Variants in SMARCC1 observed in about 807,000 individuals in gnomAD.
SMARCC1 encodes the protein SWI/SNF complex subunit SMARCC1.
In SMARCC1, 43 loss-of-function variants were observed where a neutral mutation model predicts 147.4. The ratio of observed to expected loss-of-function variants is 0.29; its 90% CI spans 0.23 to 0.38. The LOEUF (loss-of-function observed/expected upper bound fraction) is 0.38, where lower values mean the gene tolerates loss of function less well. SMARCC1 is among the 10% of genes least tolerant of loss of function. The pLI, the probability that SMARCC1 is intolerant of heterozygous loss-of-function variation, is 1.00. For synonymous variants in SMARCC1, 495 were observed against 484.4 expected (o/e 1.02, Z -0.29); for missense variants, 1,119 against 1,381.1 (o/e 0.81, Z 3.01).
chr3:47,699,543 T>C (rs552985757), intron 11 of SMARCC1, among the ~76,000 whole-genome samples: 4 of 152,240 alleles, frequency 2.6e-5, no homozygotes, highest in East Asian at 3.9e-4. Context: ...TATATACATA[T>C]ATACATCCAG....
intron 2 of SMARCC1, among the ~76,000 whole-genome samples, chr3:47,749,998 C>A (rs1339623690): frequency 6.6e-5 from 10 of 151,412 alleles, no homozygotes; most frequent in Non-Finnish European, 1.3e-4. Context: ...AGAAGAATAG[C>A]ATGAACCCGG....
At chr3:47,645,294 C>A (rs1234204287) in intron 21 of SMARCC1, among the ~76,000 whole-genome samples, 6 of 146,948 alleles carry the variant, frequency 4.1e-5, no homozygotes, top group Admixed American at 6.7e-5. Flanking sequence ...CTGTCCCCCC[C>A]ACCAAAAAAA....
At chr3:47,673,373 G>C (rs1051282657) in intron 18 of SMARCC1, among the ~76,000 whole-genome samples, 1 of 116,298 alleles carries the variant, frequency 8.6e-6, no homozygotes, top group Non-Finnish European at 1.7e-5. Flanking sequence ...GCGACAGAGC[G>C]AGACTCTGTC....
chr3:47,729,720 C>A (rs2034346075), intron 5 of SMARCC1, among the ~76,000 whole-genome samples: 1 of 152,182 alleles, frequency 6.6e-6, no homozygotes, highest in African/African-American at 2.4e-5. Flanking sequence ...CTTCCAAAGT[C>A]ATCACAAATT....
intron 11 of SMARCC1, among the ~76,000 whole-genome samples, chr3:47,694,165 C>G (rs902665078): frequency 6.6e-6 from 1 of 152,182 alleles, no homozygotes; most frequent in Non-Finnish European, 1.5e-5. Context: ...CAGCCCTACA[C>G]TGATGGAAAC....
rs147371710 is a variant in SMARCC1 at position 47,653,820 on chromosome 3, C to T, written c.2320+7474G>A. 3.5e-3 allele frequency among the ~76,000 whole-genome samples: 538 copies of T among 152,296 alleles called. 1 individual carries two copies. Among genetic ancestry groups the T allele is most frequent in the Middle Eastern group, 0.017 (5 of 294 alleles). On this transcript the variant is annotated intron_variant, in intron 21 of 27. Transcript: ENST00000254480. ...CTGCAATTAGTGAGTACAGAACACACTTGAAAGAAGTTAACTGGGAGGCTA... is the reference window on the plus strand; with the variant it reads ...CTGCAATTAGTGAGTACAGAACACATTTGAAAGAAGTTAACTGGGAGGCTA...
In SMARCC1 at chr3:47,706,399, T is replaced by C. The variant is rs776074875; in HGVS notation, c.1040+10A>G. Reference sequence around the variant, plus strand: ...TTTTAATGCCCTTTGAATCATGTAATAGTTCTTACCCTTTCTTCCCACTCT... The same window carrying C: ...TTTTAATGCCCTTTGAATCATGTAACAGTTCTTACCCTTTCTTCCCACTCT... On this transcript the variant is annotated intron_variant, in intron 10 of 27. Transcript: ENST00000254480. The C allele has an allele frequency of 1.9e-6, 3 of 1,542,834 alleles. No individual in the cohort carries two copies. The African/African-American group carries it at 4.3e-5, about 22-fold the overall frequency.
chr3:47,721,030 C>T (rs1433610762), intron 6 of SMARCC1, among the ~76,000 whole-genome samples: 1 of 152,076 alleles, frequency 6.6e-6, no homozygotes, highest in Non-Finnish European at 1.5e-5. Context: ...CACCAGCCTC[C>T]CCTCTCTCTT....
At chr3:47,740,993 T>C (rs1319558991) in intron 3 of SMARCC1, among the ~76,000 whole-genome samples, 1 of 152,106 alleles carries the variant, frequency 6.6e-6, no homozygotes, top group East Asian at 1.9e-4. Context: ...AGATATTGTA[T>C]ACCTCCAGAT....
At chr3:47,752,996 G>C (rs1168125220) in intron 2 of SMARCC1, among the ~76,000 whole-genome samples, 1 of 152,088 alleles carries the variant, frequency 6.6e-6, no homozygotes, top group African/African-American at 2.4e-5. Flanking sequence ...TATATAAGTG[G>C]TTTCACCCTA....
intron 7 of SMARCC1, among the ~76,000 whole-genome samples, chr3:47,718,024 A>G (rs1042963298): frequency 4.0e-5 from 6 of 149,850 alleles, no homozygotes; most frequent in African/African-American, 9.8e-5. Flanking sequence ...TAAGGCACCT[A>G]TGGGTGGCAC....
intron 6 of SMARCC1, 80 bp from the exon 7 acceptor site, chr3:47,720,815 A>G (rs1425095059): frequency 9.0e-7 from 1 of 1,109,208 alleles, no homozygotes; most frequent in Non-Finnish European, 1.3e-6. Flanking sequence ...AATTTTTACT[A>G]AGATGTTTTA....
chr3:47,759,819 C>A (rs2034752796), intron 2 of SMARCC1, among the ~76,000 whole-genome samples: 1 of 151,602 alleles, frequency 6.6e-6, no homozygotes, highest in Non-Finnish European at 1.5e-5. Context: ...TGCCTGTAAT[C>A]CCAGCTACTC....
At chr3:47,772,696 T>G in intron 2 of SMARCC1, 121 bp downstream of exon 2, 2 of 952,052 alleles carry the variant, frequency 2.1e-6, no homozygotes, top group Non-Finnish European at 3.0e-6. Flanking sequence ...TAAAATTTGT[T>G]TTTTGCTTTT....
At position 47,610,326 on chromosome 3, in the gene SMARCC1, A is replaced by G. The variant is rs1311738536; in HGVS notation, c.2783T>C (p.Leu928Pro). ...ETIMDREKEA[L>P]EQQRQQLLTE... The stretch of plus-strand genomic sequence containing the variant: ...AAGCAACTGCTGCCTCTGTTGTTCT[A>G]GCTGTAAGCAAAGGAAGTGGAAGAG... Residue 928 changes from leucine (L) to proline (P), a missense_variant and splice_region_variant, in exon 26 of 28, where the codon CTA becomes CCA. By Grantham distance (98) the Leu-to-Pro change is moderately conservative. This residue lies in a region of SMARCC1 where 42 missense variants were observed against 89.4 expected (regional missense o/e 0.47). Transcript: ENST00000254480. 1 of 1,614,128 alleles carries G rather than the reference A, an allele frequency of 6.2e-7. No individual in the cohort carries two copies. The highest frequency in any genetic ancestry group is 1.3e-5 in the African/African-American group (1 of 75,052).
chr3:47,754,389 G>C (rs1292410950), intron 2 of SMARCC1, among the ~76,000 whole-genome samples: 1 of 152,026 alleles, frequency 6.6e-6, no homozygotes, highest in African/African-American at 2.4e-5. Context: ...TTTTAGTAGA[G>C]ACAGGGTTTC....
intron 6 of SMARCC1, among the ~76,000 whole-genome samples, chr3:47,726,114 A>T (rs1301919673): frequency 6.8e-6 from 1 of 146,476 alleles, no homozygotes; most frequent in African/African-American, 2.5e-5. Context: ...TTATATCTCA[A>T]TTAGCCTGTT....
At chr3:47,747,074 T>A (rs193099072) in intron 2 of SMARCC1, among the ~76,000 whole-genome samples, 20 of 152,024 alleles carry the variant, frequency 1.3e-4, no homozygotes. Context: ...GGTGAAAGAA[T>A]CACTTGAGGC....
chr3:47,680,696 C>G (rs1259865753), intron 14 of SMARCC1, among the ~76,000 whole-genome samples, 188 bp from the exon 15 acceptor site: 1 of 150,902 alleles, frequency 6.6e-6, no homozygotes, highest in African/African-American at 2.4e-5. Context: ...TACAGGCGCC[C>G]GCCACTACGC....
Sources: gnomAD v4.1 joint callset for allele counts (sites outside exome capture counted in the v4.1 genomes callset) on GRCh38, gnomAD v4.1.1 for gene constraint, gnomAD v4.1.1 regional missense constraint, MANE v1.5 for transcripts, NCBI Gene and HGNC (gene_info 2026-07-23, HGNC 2026-07-21) for gene names.